The following GRIN2B variants were observed in gnomAD, a reference collection of about 807,000 sequenced individuals.
The protein encoded by GRIN2B is glutamate receptor ionotropic, NMDA 2B.
In GRIN2B, 5 loss-of-function variants were observed where a neutral mutation model predicts 114.5. The ratio of observed to expected loss-of-function variants is 0.04; its 90% CI spans 0.02 to 0.09. The LOEUF (loss-of-function observed/expected upper bound fraction) is 0.09. Ranked by LOEUF, GRIN2B falls within the 10% of genes least tolerant of loss-of-function variation. The pLI, the probability that GRIN2B is intolerant of heterozygous loss-of-function variation, is 1.00. For missense variants in GRIN2B, 1,108 were observed against 1,943.5 expected (o/e 0.57, Z 8.08); for synonymous variants, 787 against 745.1 (o/e 1.06, Z -0.92).
chr12:13,865,193 A>G (rs56317148), intron 3 of GRIN2B, among the ~76,000 whole-genome samples: 8,875 of 152,278 alleles, frequency 0.058, 354 homozygotes, highest in African/African-American at 0.11. Flanking sequence ...TCATATACCT[A>G]TTTGAAGAAA....
rs1397834131 is a variant in GRIN2B, at chr12:13,556,238, A to G, written c.*6545T>C. On this transcript the variant is annotated 3_prime_UTR_variant, in exon 14 of 14. Transcript: ENST00000609686. The stretch of plus-strand genomic sequence containing the variant: ...GCTGAATCTCTGCAATGTTTTTTCA[A>G]ATAGCATAATGGATATCTTTGACTC... 3.3e-5 allele frequency: 5 copies of G among 152,194 alleles called. No individual in the cohort carries two copies. Among genetic ancestry groups the G allele is most frequent in the South Asian group, 2.1e-4 (1 of 4,826 alleles). The allele number at this position is 152,194 out of a possible 1,614,324, so 9.4% of individuals were successfully genotyped here.
chr12:13,884,669 T>G (rs916198075), intron 2 of GRIN2B, among the ~76,000 whole-genome samples: 1 of 152,150 alleles, frequency 6.6e-6, no homozygotes, highest in African/African-American at 2.4e-5. Flanking sequence ...ATCCTTATCT[T>G]CTTCCTTATC....
intron 3 of GRIN2B, among the ~76,000 whole-genome samples, chr12:13,857,485 T>C (rs765911453): frequency 2.6e-5 from 4 of 152,058 alleles, no homozygotes; most frequent in Non-Finnish European, 5.9e-5. Flanking sequence ...AAAGGGAAGA[T>C]ACCAGTAGAG....
chr12:13,766,834 C>A (rs1185312970), intron 3 of GRIN2B, among the ~76,000 whole-genome samples: 5 of 152,172 alleles, frequency 3.3e-5, no homozygotes, highest in Non-Finnish European at 5.9e-5. Flanking sequence ...TTACACTGGC[C>A]TTTTTCCTCT....
intron 4 of GRIN2B, among the ~76,000 whole-genome samples, chr12:13,702,471 T>C (rs77898309): frequency 6.6e-6 from 1 of 152,318 alleles, no homozygotes; most frequent in East Asian, 1.9e-4. Context: ...AATGTCTCTG[T>C]ATCAGTGATA....
At chr12:13,572,282 G>T (rs898183077) in intron 10 of GRIN2B, among the ~76,000 whole-genome samples, 3 of 152,148 alleles carry the variant, frequency 2.0e-5, no homozygotes, top group Admixed American at 6.5e-5. Flanking sequence ...ATGGGCCAAA[G>T]GAATGTGCTG....
At chr12:13,600,050 A>T (rs181471898) in intron 10 of GRIN2B, among the ~76,000 whole-genome samples, 3 of 152,212 alleles carry the variant, frequency 2.0e-5, no homozygotes, top group Admixed American at 2.0e-4. Flanking sequence ...AAAACTGTGA[A>T]TTCAGACTCA....
chr12:13,942,818 C>G (rs1211495935), intron 2 of GRIN2B, among the ~76,000 whole-genome samples: 14 of 152,142 alleles, frequency 9.2e-5, no homozygotes, highest in Non-Finnish European at 1.5e-5. Context: ...CCAGAGCCTG[C>G]TGGGTACACA....
At chr12:13,943,751 C>T (rs137943406) in intron 2 of GRIN2B, among the ~76,000 whole-genome samples, 5 of 152,310 alleles carry the variant, frequency 3.3e-5, no homozygotes, top group African/African-American at 4.8e-5. Flanking sequence ...CCTTTCCTGG[C>T]CCCTCTACCT....
intron 3 of GRIN2B, among the ~76,000 whole-genome samples, chr12:13,855,380 G>A (rs572074596): frequency 1.3e-5 from 2 of 152,300 alleles, no homozygotes; most frequent in East Asian, 3.9e-4. Context: ...GAAACAGCAA[G>A]GCAGTGAGAT....
intron 3 of GRIN2B, among the ~76,000 whole-genome samples, chr12:13,848,776 C>G (rs1192367263): frequency 6.6e-6 from 1 of 152,188 alleles, no homozygotes; most frequent in Non-Finnish European, 1.5e-5. Context: ...CCCAACAGAG[C>G]ACAAGAGTGG....
chr12:13,681,088 G>A (rs1047507996), intron 4 of GRIN2B, among the ~76,000 whole-genome samples: 4 of 152,046 alleles, frequency 2.6e-5, no homozygotes, highest in South Asian at 2.1e-4. Flanking sequence ...ATGATTTAGC[G>A]GCATACCTTG....
chr12:13,919,729 C>A (rs779796289), intron 2 of GRIN2B, among the ~76,000 whole-genome samples: 3 of 152,060 alleles, frequency 2.0e-5, no homozygotes, highest in Non-Finnish European at 1.5e-5. Flanking sequence ...CAAGATCTTG[C>A]TTGAAAATTG....
At chr12:13,789,222 G>T (rs140791938) in intron 3 of GRIN2B, among the ~76,000 whole-genome samples, 1 of 152,178 alleles carries the variant, frequency 6.6e-6, no homozygotes, top group Non-Finnish European at 1.5e-5. Flanking sequence ...CCATGCCAGA[G>T]TATCAGAATA....
chr12:13,594,530 G>T lies in GRIN2B; in HGVS notation c.2010+14073C>A, dbSNP rs1197419956. Among the ~76,000 whole-genome samples, 119 of 151,934 alleles carry T rather than the reference G, an allele frequency of 7.8e-4. 4 individuals carry two copies. Among genetic ancestry groups the T allele is most frequent in the Admixed American group, 7.7e-3 (118 of 15,260 alleles). On this transcript the variant is annotated intron_variant, in intron 10 of 13. Coordinates refer to ENST00000609686, the MANE Select transcript of GRIN2B (RefSeq NM_000834.5). Reference sequence around the variant, plus strand: ...CACACACTGGGGCCTGTAAGGGGGTGGGGGGCTAGGGGAAGGATAGCATTA... The same window carrying T: ...CACACACTGGGGCCTGTAAGGGGGTTGGGGGCTAGGGGAAGGATAGCATTA...
In GRIN2B at chr12:13,891,302, TC is replaced by T. The variant is rs146610154; in HGVS notation, c.-18-25077del. Reference sequence around the variant, plus strand: ...TCCTATTCAAGAAGGAAGAACATCTTCCTTGCATCCCCCTGCACCAATGTTC... The same window carrying T: ...TCCTATTCAAGAAGGAAGAACATCTTCTTGCATCCCCCTGCACCAATGTTC... On this transcript the variant is annotated intron_variant, in intron 2 of 13. Coordinates refer to ENST00000609686, the MANE Select transcript of GRIN2B (RefSeq NM_000834.5). Among the ~76,000 whole-genome samples the T allele has an allele frequency of 7.0e-3, 1,060 of 152,272 alleles. 19 individuals are homozygous for T. Among genetic ancestry groups the T allele is most frequent in the African/African-American group, 0.024 (998 of 41,558 alleles).
At chr12:13,846,737 C>G (rs146956943) in intron 3 of GRIN2B, among the ~76,000 whole-genome samples, 1 of 151,924 alleles carries the variant, frequency 6.6e-6, no homozygotes, top group South Asian at 2.1e-4. Context: ...AACATATTTG[C>G]GAAGGCAGTA....
In GRIN2B at chr12:13,567,093, A is replaced by G. The variant is rs138088984; in HGVS notation, c.2530T>C (p.Trp844Arg). 1.5e-5 allele frequency: 25 copies of G among 1,614,092 alleles called. No homozygotes were observed. Among genetic ancestry groups the G allele is most frequent in the Non-Finnish European group, 2.1e-5 (25 of 1,180,034 alleles). Residue 844 changes from tryptophan to arginine, a missense_variant, in exon 13 of 14, where the codon TGG becomes CGG. By Grantham distance (101) the Trp-to-Arg change is moderately radical (BLOSUM62 -3). Transcript: ENST00000609686. ...ITFICEHLFY[W>R]QFRHCFMGVC... is the part of the protein sequence containing the mutation. ...CCCATAAAGCAATGTCGGAACTGCC[A>G]ATAGAAAAGGTGTTCGCAGATGAAG...
In GRIN2B at chr12:13,556,522, A is replaced by G. The variant is rs1948481094; in HGVS notation, c.*6261T>C. On this transcript the variant is annotated 3_prime_UTR_variant, in exon 14 of 14. Coordinates refer to ENST00000609686, the MANE Select transcript of GRIN2B (RefSeq NM_000834.5). ...ATTTTTTTCTCCTGCATAGTACTAG[A>G]ATCTGCTCCACCTCCTAAATCACAA... The G allele has an allele frequency of 1.3e-5, 2 of 152,320 alleles. No homozygotes were observed. Among genetic ancestry groups the G allele is most frequent in the South Asian group, 4.1e-4 (2 of 4,826 alleles). 9.4% of individuals were successfully genotyped at this position (152,320 alleles called of 1,614,324 possible). A position where few individuals can be genotyped will look rare whatever the true frequency, so the allele number is the denominator to read the frequency against.
Sources: allele counts gnomAD v4.1 joint callset (sites outside exome capture counted in the v4.1 genomes callset), GRCh38; gene constraint gnomAD v4.1.1; transcripts MANE v1.5; gene names NCBI Gene and HGNC (gene_info 2026-07-23, HGNC 2026-07-21).